The following HCN1 variants were observed in gnomAD, a reference collection of about 807,000 sequenced individuals.
HCN1 encodes hyperpolarization activated cyclic nucleotide gated potassium channel 1.
A neutral mutation model predicts 78.9 loss-of-function variants in HCN1; 13 were observed. The ratio of observed to expected loss-of-function variants is 0.16; its 90% CI spans 0.11 to 0.26. The LOEUF (loss-of-function observed/expected upper bound fraction) is 0.26, where lower values mean the gene tolerates loss of function less well. HCN1 is among the 10% of genes least tolerant of loss of function. The pLI is 1.00. For missense variants in HCN1, 810 were observed against 1,154.3 expected (o/e 0.70, Z 4.32); for synonymous variants, 552 against 455.5 (o/e 1.21, Z -2.70).
chr5:45,456,304 C>T (rs1163597455), intron 3 of HCN1, among the ~76,000 whole-genome samples: 2 of 151,746 alleles, frequency 1.3e-5, no homozygotes, highest in East Asian at 3.9e-4. Context: ...TAAGGAAGAC[C>T]ACTTAAATAG....
chr5:45,342,113 G>A (rs923762057), intron 5 of HCN1, among the ~76,000 whole-genome samples: 7 of 152,100 alleles, frequency 4.6e-5, no homozygotes, highest in Non-Finnish European at 1.0e-4. Context: ...TCATTGCTTA[G>A]AAAAGGGTCT....
At chr5:45,660,296 G>A (rs1027656000) in intron 1 of HCN1, among the ~76,000 whole-genome samples, 3 of 108,738 alleles carry the variant, frequency 2.8e-5, no homozygotes, top group African/African-American at 1.4e-4. Context: ...AAGAGCTCCT[G>A]AAGGAAGCGC....
At chr5:45,381,711 C>A (rs781214015) in intron 4 of HCN1, among the ~76,000 whole-genome samples, 33 of 152,034 alleles carry the variant, frequency 2.2e-4, no homozygotes, top group Non-Finnish European at 1.3e-4. Context: ...CAGACCTTCC[C>A]ACTCCTTGCT....
intron 5 of HCN1, among the ~76,000 whole-genome samples, chr5:45,342,160 A>C (rs1194519220): frequency 6.6e-6 from 1 of 152,090 alleles, no homozygotes; most frequent in East Asian, 1.9e-4. Context: ...ATGTGGAGAA[A>C]TGAAGTGAAT....
intron 2 of HCN1, among the ~76,000 whole-genome samples, chr5:45,481,454 T>C (rs1239583680): frequency 6.6e-6 from 1 of 152,174 alleles, no homozygotes; most frequent in Non-Finnish European, 1.5e-5. Context: ...ATTAAGAAGA[T>C]AGGATCAAAC....
At chr5:45,375,213 T>G (rs866085328) in intron 4 of HCN1, among the ~76,000 whole-genome samples, 8 of 113,844 alleles carry the variant, frequency 7.0e-5, no homozygotes, top group Non-Finnish European at 1.0e-4. Flanking sequence ...TTTTATAATA[T>G]ATAATATAAT....
chr5:45,497,329 G>A (rs1283074858), intron 2 of HCN1, among the ~76,000 whole-genome samples: 1 of 152,078 alleles, frequency 6.6e-6, no homozygotes, highest in Non-Finnish European at 1.5e-5. Flanking sequence ...ATTAATGTGT[G>A]GGAGTCTAAG....
At chr5:45,644,058 CCT>C (rs1745502477) in intron 2 of HCN1, 1 of 151,976 alleles carries the variant, frequency 6.6e-6, no homozygotes, top group Admixed American at 6.6e-5. Context: ...CATGTCATTT[CCT>C]GAAATCCTGT....
intron 2 of HCN1, among the ~76,000 whole-genome samples, chr5:45,626,129 A>G (rs1297167493): frequency 6.6e-6 from 1 of 152,226 alleles, no homozygotes; most frequent in Non-Finnish European, 1.5e-5. Context: ...GACAAAGCTC[A>G]TTAGAAGCAG....
At chr5:45,496,968 G>A (rs1011650138) in intron 2 of HCN1, among the ~76,000 whole-genome samples, 10 of 152,146 alleles carry the variant, frequency 6.6e-5, no homozygotes, top group African/African-American at 2.2e-4. Flanking sequence ...GTACCCAGTA[G>A]TCATTCAGGA....
chr5:45,462,843 A>G (rs1741188466), intron 2 of HCN1, among the ~76,000 whole-genome samples: 1 of 152,044 alleles, frequency 6.6e-6, no homozygotes, highest in Non-Finnish European at 1.5e-5. Flanking sequence ...CAAGAAATAG[A>G]TTCAGAATGT....
chr5:45,439,652 G>A (rs1579895676), intron 3 of HCN1, among the ~76,000 whole-genome samples: 1 of 152,040 alleles, frequency 6.6e-6, no homozygotes, highest in Non-Finnish European at 1.5e-5. Flanking sequence ...GAGTGATACA[G>A]TGCAAATGGT....
intron 6 of HCN1, among the ~76,000 whole-genome samples, chr5:45,298,284 C>A (rs529437769): frequency 1.3e-5 from 2 of 152,104 alleles, no homozygotes; most frequent in South Asian, 2.1e-4. Flanking sequence ...AGAACTTGGT[C>A]TTCCACATGA....
At chr5:45,675,205 A>T (rs1746242944) in intron 1 of HCN1, among the ~76,000 whole-genome samples, 1 of 151,740 alleles carries the variant, frequency 6.6e-6, no homozygotes, top group Non-Finnish European at 1.5e-5. Flanking sequence ...GTCTGATAGT[A>T]GCTTGGCCCC....
intron 1 of HCN1, among the ~76,000 whole-genome samples, chr5:45,693,222 T>C (rs1739947636): frequency 1.3e-5 from 2 of 152,188 alleles, no homozygotes; most frequent in Non-Finnish European, 2.9e-5. Context: ...CGTTATAGAT[T>C]TTAGAAAATC....
Position 45,260,677 on chromosome 5 carries a change from A to C in HCN1, c.*1244T>G, listed in dbSNP as rs1744720278. 1 of 152,610 alleles carries C rather than the reference A, an allele frequency of 6.6e-6. No individual in the cohort carries two copies. Among genetic ancestry groups the C allele is most frequent in the Admixed American group, 6.5e-5 (1 of 15,274 alleles). 9.5% of individuals were successfully genotyped at this position (152,610 alleles called of 1,614,324 possible). On this transcript the variant is annotated 3_prime_UTR_variant, in exon 8 of 8. Transcript: ENST00000303230. ...CAGCTACAGTGAAGACACAGACAAC[A>C]CTTAACTCCAAATCAAGCTGTGGTT...
At chr5:45,354,617 C>T (rs1248810089) in intron 4 of HCN1, among the ~76,000 whole-genome samples, 1 of 151,962 alleles carries the variant, frequency 6.6e-6, no homozygotes, top group Admixed American at 6.6e-5. Context: ...TTCCAACATA[C>T]TTTCATTTTG....
chr5:45,296,280 C>A (rs2111892861), intron 6 of HCN1, among the ~76,000 whole-genome samples: 1 of 151,822 alleles, frequency 6.6e-6, no homozygotes, highest in Middle Eastern at 3.4e-3. Context: ...GAGAATCATA[C>A]AAGGTAAAAT....
chr5:45,436,440 C>A (rs1182061226), intron 3 of HCN1, among the ~76,000 whole-genome samples: 2 of 152,126 alleles, frequency 1.3e-5, no homozygotes, highest in African/African-American at 4.8e-5. Flanking sequence ...GAGGCTAATT[C>A]AATCCACTGA....
Sources: gnomAD v4.1 joint callset for allele counts (sites outside exome capture counted in the v4.1 genomes callset) on GRCh38, gnomAD v4.1.1 for gene constraint, MANE v1.5 for transcripts, NCBI Gene and HGNC (gene_info 2026-07-23, HGNC 2026-07-21) for gene names.